Variants in NKD1 observed in about 807,000 individuals in gnomAD.
NKD1 encodes the protein NKD inhibitor of Wnt signaling pathway 1.
A neutral mutation model predicts 56.0 loss-of-function variants in NKD1; 21 were observed. That is an observed-to-expected ratio of 0.38 (90% CI 0.27 to 0.54). NKD1 has a LOEUF of 0.54. NKD1 is among the 20% of genes least tolerant of loss of function. The pLI is 0.82. For missense variants in NKD1, 578 were observed against 642.7 expected (o/e 0.90, Z 1.09); for synonymous variants, 263 against 265.7 (o/e 0.99, Z 0.10).
rs1491474018 is a variant in NKD1, at chr16:50,646,380, G to GA, written c.*12600dup. ...ACGAGGAAGAAAAAGAGGGGGGGGG[G>GA]AGAGAGAACGAAGGCTAACTGATGC... On this transcript the variant is annotated 3_prime_UTR_variant, in exon 10 of 10. Coordinates refer to ENST00000268459, the MANE Select transcript of NKD1 (RefSeq NM_033119.5). 1 of 143,298 alleles carries GA rather than the reference G, an allele frequency of 7.0e-6. No homozygotes were observed. The highest frequency in any genetic ancestry group is 1.5e-5 in the Non-Finnish European group (1 of 65,526). 8.9% of individuals were successfully genotyped at this position (143,298 alleles called of 1,614,324 possible).
At chr16:50,625,236 T>C in intron 5 of NKD1, 1 of 547,622 alleles carries the variant, frequency 1.8e-6, no homozygotes, top group South Asian at 2.2e-5. Context: ...TCCTTTGTCT[T>C]TGAAGACCCA....
rs1470265863 is a variant in NKD1 at position 50,587,868 on chromosome 16, A to G, written c.193-20426A>G. ...AAACCCTATCGTGAACTGTGCATACAAGGGATCCAGGTTGTGTGCTCCTTA... is the reference window on the plus strand; with the variant it reads ...AAACCCTATCGTGAACTGTGCATACGAGGGATCCAGGTTGTGTGCTCCTTA... On this transcript the variant is annotated intron_variant, in intron 3 of 9. Transcript: ENST00000268459. Among the ~76,000 whole-genome samples the G allele has an allele frequency of 1.2e-4, 18 of 152,230 alleles. 1 individual carries two copies. Among genetic ancestry groups the G allele is most frequent in the Admixed American group, 7.9e-4 (12 of 15,276 alleles).
In NKD1 at chr16:50,638,719, A is replaced by G. The variant is rs1596768163; in HGVS notation, c.*4938A>G. The G allele has an allele frequency of 6.6e-6, 1 of 152,048 alleles. No individual in the cohort carries two copies. The highest frequency in any genetic ancestry group is 1.5e-5 in the Non-Finnish European group (1 of 67,990). The allele number at this position is 152,048 out of a possible 1,614,324, so 9.4% of individuals were successfully genotyped here. Reference sequence around the variant, plus strand: ...CCCAAATGATTTTCCTGATTTATGTATTTCCCTACAAAGGGCTTTCTATAC... The same window carrying G: ...CCCAAATGATTTTCCTGATTTATGTGTTTCCCTACAAAGGGCTTTCTATAC... On this transcript the variant is annotated 3_prime_UTR_variant, in exon 10 of 10. Transcript: ENST00000268459.
At chr16:50,568,019 AT>A (rs992263656) in intron 3 of NKD1, among the ~76,000 whole-genome samples, 7 of 152,252 alleles carry the variant, frequency 4.6e-5, no homozygotes, top group African/African-American at 1.7e-4. Context: ...AGAGCCAGTT[AT>A]TTCAGGAGAC....
Position 50,630,292 on chromosome 16 carries a change from A to G in NKD1, c.569A>G (p.Asp190Gly). ...CGGGTAAAGCTCACCGTGGCCCCCG[A>G]TGGCAGCCAGAGCAAGAGGAGCGTC... ...MLRVKLTVAP[D>G]GSQSKRSVLV... is the part of the protein sequence containing the mutation. The change falls in exon 7 of 10, where the codon GAT becomes GGT. Residue 190 changes from aspartate to glycine, a missense_variant. Transcript: ENST00000268459. 4 of 1,614,126 alleles carry G rather than the reference A, an allele frequency of 2.5e-6. No homozygotes were observed. The highest frequency in any genetic ancestry group is 3.4e-6 in the Non-Finnish European group (4 of 1,180,030).
chr16:50,617,683 A>C (rs1961993300), intron 4 of NKD1, among the ~76,000 whole-genome samples: 1 of 151,942 alleles, frequency 6.6e-6, no homozygotes, highest in Non-Finnish European at 1.5e-5. Context: ...ACCATTACCA[A>C]CCCCCCAGAT....
chr16:50,564,273 C>T (rs1269570709), intron 3 of NKD1, among the ~76,000 whole-genome samples: 1 of 152,220 alleles, frequency 6.6e-6, no homozygotes, highest in African/African-American at 2.4e-5. Context: ...GCCTTTCTAG[C>T]CTTCTTAACC....
intron 3 of NKD1, among the ~76,000 whole-genome samples, chr16:50,577,198 C>A (rs1329979360): frequency 6.6e-6 from 1 of 152,018 alleles, no homozygotes; most frequent in Non-Finnish European, 1.5e-5. Context: ...GTGGCCCTCA[C>A]TTGTTGATGG....
At chr16:50,630,680 G>GT in intron 7 of NKD1, 146 bp from the exon 8 acceptor site, 1 of 660,416 alleles carries the variant, frequency 1.5e-6, no homozygotes, top group Non-Finnish European at 2.6e-6. Context: ...TCCAGGGCAG[G>GT]TAGCCTTGAG....
In NKD1 at chr16:50,623,076, G is replaced by A. The variant is rs1005527961; in HGVS notation, c.366+1368G>A. 1.3e-5 allele frequency among the ~76,000 whole-genome samples: 2 copies of A among 152,148 alleles called. No individual in the cohort carries two copies. The highest frequency in any genetic ancestry group is 2.9e-5 in the Non-Finnish European group (2 of 68,008). On this transcript the variant is annotated intron_variant, in intron 5 of 9. Transcript: ENST00000268459. The surrounding 1 kb of genome is among the most constrained non-coding windows in gnomAD (Gnocchi z 4.1). ...CAGGGGAGCCTTTGGGGTGAGAAGG[G>A]CCTATCAGGCAGAGGGAGCTGCAGG...
intron 3 of NKD1, among the ~76,000 whole-genome samples, chr16:50,583,180 C>T (rs1567340558): frequency 6.6e-6 from 1 of 152,054 alleles, no homozygotes; most frequent in Non-Finnish European, 1.5e-5. Context: ...TCTAGGTGGC[C>T]CCTGTAACTG....
chr16:50,579,265 G>A (rs1342757673), intron 3 of NKD1, among the ~76,000 whole-genome samples: 2 of 141,320 alleles, frequency 1.4e-5, no homozygotes, highest in South Asian at 2.3e-4. Flanking sequence ...CGCTACACAC[G>A]CACTCTAACC....
intron 1 of NKD1, 38 bp downstream of exon 1, chr16:50,548,616 C>T (rs1364300819): frequency 1.4e-6 from 2 of 1,444,358 alleles, no homozygotes; most frequent in East Asian, 3.0e-5. Context: ...CCGGGCCCCG[C>T]CGCCGTCGCC....
intron 3 of NKD1, among the ~76,000 whole-genome samples, chr16:50,567,277 T>G (rs1278890943): frequency 6.6e-6 from 1 of 152,248 alleles, no homozygotes; most frequent in Non-Finnish European, 1.5e-5. Context: ...ATGTACTCAG[T>G]AGCCCTTTAA....
intron 3 of NKD1, among the ~76,000 whole-genome samples, chr16:50,562,735 G>A (rs533355807): frequency 5.5e-4 from 83 of 152,252 alleles, no homozygotes; most frequent in African/African-American, 2.0e-3. Context: ...GGAGAGAGGA[G>A]GGTGCAGGAG....
chr16:50,574,923 A>G (rs1960959935), intron 3 of NKD1: 4 of 985,270 alleles, frequency 4.1e-6, no homozygotes, highest in Non-Finnish European at 4.8e-6. Context: ...AGCCTTGGAA[A>G]CTTTTTCCTT....
intron 6 of NKD1, among the ~76,000 whole-genome samples, chr16:50,626,162 C>G (rs1027527775): frequency 1.3e-5 from 2 of 152,264 alleles, no homozygotes; most frequent in Non-Finnish European, 2.9e-5. Flanking sequence ...AGGCCGGTCT[C>G]TCTCGCTCAG....
intron 3 of NKD1, among the ~76,000 whole-genome samples, chr16:50,578,117 C>T (rs1487132150): frequency 6.6e-6 from 1 of 152,172 alleles, no homozygotes; most frequent in Non-Finnish European, 1.5e-5. Context: ...CTTAGTGGTC[C>T]AGGCTCCTTC....
intron 3 of NKD1, 33 bp from the exon 4 acceptor site, chr16:50,608,261 C>T (rs771889903): frequency 6.6e-7 from 1 of 1,525,436 alleles, no homozygotes. Flanking sequence ...TCCCCCAACC[C>T]CTGCTCAATG....
Sources: allele counts gnomAD v4.1 joint callset (sites outside exome capture counted in the v4.1 genomes callset), GRCh38; gene constraint gnomAD v4.1.1; non-coding constraint Gnocchi (gnomAD v3.1); transcripts MANE v1.5; gene names NCBI Gene and HGNC (gene_info 2026-07-23, HGNC 2026-07-21).